Variants in CACNA1D observed in about 807,000 individuals in gnomAD.
CACNA1D encodes the protein calcium voltage-gated channel subunit alpha1 D.
CACNA1D carries 55 observed loss-of-function variants against 257.1 expected under a neutral mutation model. That is an observed-to-expected ratio of 0.21 (90% CI 0.17 to 0.27). CACNA1D has a LOEUF of 0.27. CACNA1D is among the 10% of genes least tolerant of loss of function. The probability of loss-of-function intolerance (pLI) is 1.00; values close to 1 mark genes in which losing one functional copy is unlikely to be tolerated. For missense variants in CACNA1D, 1,876 were observed against 2,784.0 expected (o/e 0.67, Z 7.34); for synonymous variants, 980 against 1,014.9 (o/e 0.97, Z 0.65).
At chr3:53,538,969 A>G (rs1028426684) in intron 3 of CACNA1D, among the ~76,000 whole-genome samples, 2 of 152,084 alleles carry the variant, frequency 1.3e-5, no homozygotes, top group African/African-American at 4.8e-5. Flanking sequence ...TCCCTCAGTC[A>G]CCACTCAGTG....
chr3:53,686,220 T>C (rs1346164185), intron 8 of CACNA1D, among the ~76,000 whole-genome samples: 2 of 152,072 alleles, frequency 1.3e-5, no homozygotes, highest in Non-Finnish European at 2.9e-5. Flanking sequence ...AAACAGAATC[T>C]TCTCTCAATC....
chr3:53,764,065 G>C (rs550378286), intron 30 of CACNA1D, among the ~76,000 whole-genome samples: 1 of 152,150 alleles, frequency 6.6e-6, no homozygotes, highest in African/African-American at 2.4e-5. Flanking sequence ...GTCATGCCAC[G>C]CTATGACCAG....
At chr3:53,722,549 T>C in intron 12 of CACNA1D, 75 bp downstream of exon 12, 2 of 1,407,290 alleles carry the variant, frequency 1.4e-6, no homozygotes, top group Non-Finnish European at 2.0e-6. Flanking sequence ...TTTGGTCTTA[T>C]CTGATCGCTG....
chr3:53,668,368 A>G (rs3774524), intron 7 of CACNA1D, among the ~76,000 whole-genome samples: 39,164 of 152,178 alleles, frequency 0.26, 6,072 homozygotes, highest in African/African-American at 0.44. Flanking sequence ...TCCTAGAAGC[A>G]AAAGTTTCCG....
intron 9 of CACNA1D, among the ~76,000 whole-genome samples, chr3:53,717,165 A>G (rs1158285938): frequency 6.6e-6 from 1 of 152,260 alleles, no homozygotes; most frequent in Admixed American, 6.5e-5. Flanking sequence ...GTTCAAAGCC[A>G]TGCCTCAGGA....
rs567145274 is a variant in CACNA1D at position 53,777,373 on chromosome 3, G to C, written c.4587+417G>C. Among the ~76,000 whole-genome samples, 193 of 152,326 alleles carry C rather than the reference G, an allele frequency of 1.3e-3. 1 individual carries two copies. The highest frequency in any genetic ancestry group is 4.4e-3 in the African/African-American group (184 of 41,562). On this transcript the variant is annotated intron_variant, in intron 37 of 47. Coordinates refer to ENST00000350061, the MANE Select transcript of CACNA1D (RefSeq NM_001128840.3). ...GTACAAGCTGAGCCTTCTCTGTCCT[G>C]CTGAGGTCCAGGAGAATGGGGAGGA...
intron 3 of CACNA1D, among the ~76,000 whole-genome samples, chr3:53,597,687 A>T (rs2107846856): frequency 6.6e-6 from 1 of 152,272 alleles, no homozygotes; most frequent in South Asian, 2.1e-4. Flanking sequence ...AGGAACACAG[A>T]CGGCACAGGT....
At position 53,793,487 on chromosome 3, in the gene CACNA1D, A is replaced by G. The variant is rs969197712; in HGVS notation, c.4923+6535A>G. ...ACCGACCTTCTAGATCCAAGATTCC[A>G]TACACTCAGGCCTCGGCAGAAAGGC... On this transcript the variant is annotated intron_variant, in intron 40 of 47. Coordinates refer to ENST00000350061, the MANE Select transcript of CACNA1D (RefSeq NM_001128840.3). This position sits in a 1 kb window ranked among gnomAD's most constrained non-coding sequence, Gnocchi z 4.1. Among the ~76,000 whole-genome samples, 1 of 152,112 alleles carries G rather than the reference A, an allele frequency of 6.6e-6. No homozygotes were observed. Among genetic ancestry groups the G allele is most frequent in the South Asian group, 2.1e-4 (1 of 4,830 alleles).
intron 3 of CACNA1D, among the ~76,000 whole-genome samples, chr3:53,610,933 G>A (rs777795838): frequency 2.0e-5 from 3 of 152,110 alleles, no homozygotes; most frequent in South Asian, 2.1e-4. Flanking sequence ...ATTTCTGTTG[G>A]CAGTGAATCC....
Position 53,801,410 on chromosome 3 carries a change from G to A in CACNA1D, c.5393G>A (p.Arg1798Lys), listed in dbSNP as rs1236770795. 2.5e-6 allele frequency: 4 copies of A among 1,614,074 alleles called. No homozygotes were observed. The highest frequency in any genetic ancestry group is 1.7e-6 in the Non-Finnish European group (2 of 1,180,028). ...SHKHDREPQR[R>K]SSVKRTRYYE... ...AAGCATGACCGGGAGCCTCAGAGAA[G>A]GTCCAGTGTGAAAAGGTAACCTTGA... Residue 1798 changes from arginine to lysine, a missense_variant, in exon 42 of 48, where the codon AGG (arginine) becomes AAG (lysine). Transcript: ENST00000350061.
chr3:53,644,998 T>A (rs1276927564), intron 3 of CACNA1D, among the ~76,000 whole-genome samples: 1 of 152,240 alleles, frequency 6.6e-6, no homozygotes, highest in Non-Finnish European at 1.5e-5. Context: ...CACTTGTCTT[T>A]TTGACAATAG....
intron 3 of CACNA1D, among the ~76,000 whole-genome samples, chr3:53,625,319 C>T (rs1392061566): frequency 2.0e-5 from 3 of 152,156 alleles, no homozygotes; most frequent in Non-Finnish European, 4.4e-5. Flanking sequence ...AAGAGCTACC[C>T]AATTAAAACT....
At chr3:53,654,899 G>C (rs1045767758) in intron 4 of CACNA1D, among the ~76,000 whole-genome samples, 1 of 151,994 alleles carries the variant, frequency 6.6e-6, no homozygotes, top group Non-Finnish European at 1.5e-5. Context: ...CAAGGAAGAA[G>C]AAAAAAGGAA....
intron 3 of CACNA1D, among the ~76,000 whole-genome samples, chr3:53,604,756 G>A (rs566843520): frequency 8.3e-4 from 127 of 152,312 alleles, no homozygotes; most frequent in Non-Finnish European, 1.5e-3. Context: ...CTTGGTATTA[G>A]TAGGAGGGGA....
chr3:53,697,060 C>T (rs2094579398), intron 8 of CACNA1D, among the ~76,000 whole-genome samples: 1 of 152,186 alleles, frequency 6.6e-6, no homozygotes, highest in Non-Finnish European at 1.5e-5. Context: ...CACAGCTGTC[C>T]TGTTAGGCTG....
intron 20 of CACNA1D, among the ~76,000 whole-genome samples, chr3:53,738,356 T>G (rs1323587551): frequency 6.6e-6 from 1 of 152,152 alleles, no homozygotes; most frequent in African/African-American, 2.4e-5. Flanking sequence ...TTAGTGTCAA[T>G]ATAAAGAGGA....
At chr3:53,607,854 C>T (rs1035595452) in intron 3 of CACNA1D, among the ~76,000 whole-genome samples, 10 of 152,242 alleles carry the variant, frequency 6.6e-5, no homozygotes, top group Admixed American at 3.3e-4. Flanking sequence ...GTGTTTATTT[C>T]GGAACTTTCT....
chr3:53,504,045 C>A (rs1451816539), intron 3 of CACNA1D, among the ~76,000 whole-genome samples: 3 of 149,202 alleles, frequency 2.0e-5, no homozygotes, highest in Non-Finnish European at 4.4e-5. Context: ...CATGAGGGAG[C>A]TGGTTTTTTG....
chr3:53,679,252 AAG>A (rs1297875316), intron 8 of CACNA1D: 2 of 76,796 alleles, frequency 2.6e-5, no homozygotes, highest in East Asian at 7.4e-4. Flanking sequence ...CCTGGGTGAC[AAG>A]AGCAAAACTC....
Sources: gnomAD v4.1 joint callset for allele counts (sites outside exome capture counted in the v4.1 genomes callset) on GRCh38, gnomAD v4.1.1 for gene constraint, Gnocchi (gnomAD v3.1) non-coding constraint, MANE v1.5 for transcripts, NCBI Gene and HGNC (gene_info 2026-07-23, HGNC 2026-07-21) for gene names.